MICU1: variants seen among roughly 807,000 people sequenced by gnomAD.
MICU1 encodes calcium uptake protein 1, mitochondrial.
MICU1 carries 45 observed loss-of-function variants against 56.8 expected under a neutral mutation model. That is an observed-to-expected ratio of 0.79 (90% CI 0.62 to 1.02). The LOEUF is 1.02. Among genes scored for constraint, MICU1 ranks in the 50% least tolerant of loss-of-function variants. The probability of loss-of-function intolerance (pLI) is 0.00; values close to 1 mark genes in which losing one functional copy is unlikely to be tolerated. For synonymous variants in MICU1, 186 were observed against 195.1 expected, an observed-to-expected ratio of 0.95 and a Z score of 0.39; for missense variants, 504 against 587.1, an observed-to-expected ratio of 0.86 and a Z score of 1.46.
chr10:72,414,929 C>A (rs554443608), intron 9 of MICU1, among the ~76,000 whole-genome samples: 1 of 151,880 alleles, frequency 6.6e-6, no homozygotes, highest in East Asian at 1.9e-4. Flanking sequence ...CTATGGCCCA[C>A]TGAAAAAAAC....
At chr10:72,433,832 A>T (rs905918491) in intron 8 of MICU1, among the ~76,000 whole-genome samples, 1 of 152,258 alleles carries the variant, frequency 6.6e-6, no homozygotes. Context: ...ACAAGGAAAC[A>T]TAAAATATTA....
intron 5 of MICU1, among the ~76,000 whole-genome samples, chr10:72,511,223 T>C (rs1465713033): frequency 6.6e-6 from 1 of 152,188 alleles, no homozygotes; most frequent in Non-Finnish European, 1.5e-5. Context: ...CACCATGTTG[T>C]AGCATGAATC....
intron 9 of MICU1, among the ~76,000 whole-genome samples, chr10:72,419,247 TA>T (rs1864080120): frequency 6.6e-6 from 1 of 152,266 alleles, no homozygotes. Context: ...TCTTCCAGCA[TA>T]GGGGTAAAAA....
chr10:72,595,414 T>C (rs577973615), intron 1 of MICU1, among the ~76,000 whole-genome samples: 3 of 130,036 alleles, frequency 2.3e-5, no homozygotes, highest in Admixed American at 9.4e-5. Context: ...ATCGCATCAC[T>C]GCACTCCAAC....
intron 10 of MICU1, among the ~76,000 whole-genome samples, chr10:72,400,531 A>G (rs1403613862): frequency 6.6e-6 from 1 of 152,058 alleles, no homozygotes; most frequent in Non-Finnish European, 1.5e-5. Context: ...GGATCACCTG[A>G]GATTAGGAAT....
rs57033966 is a variant in MICU1, at chr10:72,526,932, C to CAAA, written c.537+6811_537+6813dup. Among the ~76,000 whole-genome samples, 327 of 127,602 alleles carry CAAA rather than the reference C, an allele frequency of 2.6e-3. 2 individuals carry two copies. Among genetic ancestry groups the CAAA allele is most frequent in the African/African-American group, 1.0e-2 (307 of 30,734 alleles). The allele number at this position is 127,602 out of a possible 152,430, so 83.7% of individuals were successfully genotyped here. Reference sequence around the variant, plus strand: ...GTGCTTACTTTAAGAGTAATGGCTTCAAAAAAAAAAAAAAAAAAAAGAAAG... The same window carrying CAAA: ...GTGCTTACTTTAAGAGTAATGGCTTCAAAAAAAAAAAAAAAAAAAAAAAGAAAG... On this transcript the variant is annotated intron_variant, in intron 5 of 11. Transcript: ENST00000361114.
intron 1 of MICU1, among the ~76,000 whole-genome samples, chr10:72,623,563 G>C (rs1842161709): frequency 6.6e-6 from 1 of 152,088 alleles, no homozygotes; most frequent in Non-Finnish European, 1.5e-5. Context: ...GGTAGGCCAG[G>C]TGTGGTGGCT....
chr10:72,609,957 C>G (rs1841798560), intron 1 of MICU1, among the ~76,000 whole-genome samples: 1 of 151,572 alleles, frequency 6.6e-6, no homozygotes, highest in South Asian at 2.1e-4. Flanking sequence ...TTGCTTAAAC[C>G]TGGAGGGGCG....
chr10:72,418,471 C>T (rs1864056278), intron 9 of MICU1, among the ~76,000 whole-genome samples: 1 of 152,118 alleles, frequency 6.6e-6, no homozygotes, highest in Non-Finnish European at 1.5e-5. Flanking sequence ...AATAGGAAGC[C>T]TTGGATTTTA....
At chr10:72,403,034 T>C (rs541733278) in intron 10 of MICU1, among the ~76,000 whole-genome samples, 4 of 152,102 alleles carry the variant, frequency 2.6e-5, no homozygotes, top group Admixed American at 6.6e-5. Flanking sequence ...GTCTCATAAA[T>C]AAACAAATAA....
chr10:72,534,133 ATTAGT>A (rs746475806), intron 4 of MICU1, among the ~76,000 whole-genome samples: 30 of 151,376 alleles, frequency 2.0e-4, no homozygotes, highest in Non-Finnish European at 3.8e-4. Flanking sequence ...GGTAAGGAAT[ATTAGT>A]TTAATCTGAA....
chr10:72,447,112 T>G (rs1256457527), intron 8 of MICU1, among the ~76,000 whole-genome samples: 1 of 152,248 alleles, frequency 6.6e-6, no homozygotes, highest in Admixed American at 6.5e-5. Context: ...AGTTGAATTA[T>G]AACCTCTTTT....
At chr10:72,469,859 C>T (rs1160190325) in intron 8 of MICU1, among the ~76,000 whole-genome samples, 1 of 152,176 alleles carries the variant, frequency 6.6e-6, no homozygotes, top group Non-Finnish European at 1.5e-5. Flanking sequence ...TGACTGCCTT[C>T]TGGCTGCCTC....
intron 10 of MICU1, among the ~76,000 whole-genome samples, chr10:72,403,116 G>C (rs151134974): frequency 6.6e-6 from 1 of 152,088 alleles, no homozygotes; most frequent in East Asian, 1.9e-4. Flanking sequence ...GGTGGCTGAC[G>C]CCTGTAATCC....
At chr10:72,454,316 T>C (rs1257676609) in intron 8 of MICU1, among the ~76,000 whole-genome samples, 1 of 150,666 alleles carries the variant, frequency 6.6e-6, no homozygotes, top group African/African-American at 2.4e-5. Flanking sequence ...TAGCCAGGTG[T>C]GGTGGCACAT....
intron 8 of MICU1, among the ~76,000 whole-genome samples, chr10:72,463,453 T>C (rs532945494): frequency 2.0e-4 from 31 of 152,328 alleles, no homozygotes; most frequent in Admixed American, 7.2e-4. Context: ...AGCTACAAAG[T>C]GTCACTCTTA....
At chr10:72,538,593 T>C (rs1294440423) in intron 4 of MICU1, among the ~76,000 whole-genome samples, 1 of 151,736 alleles carries the variant, frequency 6.6e-6, no homozygotes, top group Non-Finnish European at 1.5e-5. Context: ...ATAGATACTC[T>C]AAAAATAAAA....
chr10:72,592,722 T>C (rs1037921649), intron 1 of MICU1, among the ~76,000 whole-genome samples: 7 of 151,726 alleles, frequency 4.6e-5, no homozygotes, highest in Admixed American at 3.9e-4. Context: ...AAGAAAAATC[T>C]ACATGGTCAT....
At chr10:72,500,527 G>C (rs963933228) in intron 6 of MICU1, among the ~76,000 whole-genome samples, 1 of 151,230 alleles carries the variant, frequency 6.6e-6, no homozygotes, top group Non-Finnish European at 1.5e-5. Context: ...TCACCATGTT[G>C]GCCAGGCTGG....
Sources: allele counts gnomAD v4.1 joint callset (sites outside exome capture counted in the v4.1 genomes callset), GRCh38; gene constraint gnomAD v4.1.1; transcripts MANE v1.5; gene names NCBI Gene and HGNC (gene_info 2026-07-23, HGNC 2026-07-21).